The following ZNF211 variants were observed in gnomAD, a reference collection of about 807,000 sequenced individuals.
ZNF211 encodes the protein zinc finger protein 211.
In ZNF211, 18 loss-of-function variants were observed where a neutral mutation model predicts 12.1. That is an observed-to-expected ratio of 1.48 (90% confidence interval 1.03 to 2.20). ZNF211 has a LOEUF of 2.20. Ranked by LOEUF, ZNF211 falls within the 30% of genes most tolerant of loss-of-function variation. The probability of loss-of-function intolerance (pLI) is 0.00; values close to 1 mark genes in which losing one functional copy is unlikely to be tolerated. For missense variants in ZNF211, 677 were observed against 703.1 expected (o/e 0.96, Z 0.42); for synonymous variants, 249 against 246.0 (o/e 1.01, Z -0.11).
At chr19:57,638,720 G>C (rs73064527) in intron 3 of ZNF211, among the ~76,000 whole-genome samples, 8,651 of 152,190 alleles carry the variant, frequency 0.057, 329 homozygotes, top group South Asian at 0.098. Context: ...TTATATATTT[G>C]TTAGAGCTAG....
intron 2 of ZNF211, 82 bp downstream of exon 2, chr19:57,634,143 G>A: frequency 1.4e-6 from 2 of 1,435,648 alleles, no homozygotes; most frequent in Non-Finnish European, 1.9e-6. Context: ...TAGATTTGTG[G>A]TGTCATGGGA....
rs1405457836 is a variant in ZNF211 at position 57,641,831 on chromosome 19, G to T, written c.1384G>T (p.Gly462Trp). Residue 462 changes from glycine to tryptophan, a missense_variant, in exon 4 of 4, where the codon GGG becomes TGG. Gly to Trp is a radical substitution (Grantham distance 184, BLOSUM62 -2). Transcript: ENST00000240731. ...SFSSHRKVHT[G>W]ERPYVCGECG... ...CAGTTCACATCGGAAAGTCCACACA[G>T]GGGAAAGGCCTTATGTGTGTGGGGA... is the stretch of plus-strand genomic sequence containing the variant. 6.2e-7 allele frequency: 1 copy of T among 1,614,092 alleles called. No individual in the cohort carries two copies.
At position 57,641,513 on chromosome 19, in the gene ZNF211, T is replaced by C; in HGVS notation, c.1066T>C (p.Cys356Arg). 6.2e-7 allele frequency: 1 copy of C among 1,614,182 alleles called. No individual in the cohort carries two copies. Among genetic ancestry groups the C allele is most frequent in the Non-Finnish European group, 8.5e-7 (1 of 1,180,048 alleles). ...KVHTGERPYE[C>R]GECGKSFSQR... ...TCACACTGGAGAAAGGCCTTATGAA[T>C]GTGGGGAATGTGGGAAATCTTTTAG... The change falls in exon 4 of 4, where the codon TGT (cysteine) becomes CGT (arginine). Residue 356 changes from cysteine (C) to arginine (R), a missense_variant. By Grantham distance (180) the Cys-to-Arg change is radical (BLOSUM62 -3). Coordinates refer to ENST00000240731, the MANE Select transcript of ZNF211 (RefSeq NM_006385.5).
rs1982805572 is a variant in ZNF211, at chr19:57,640,873, A to G, written c.426A>G (p.Gln142=). 1.9e-6 allele frequency: 3 copies of G among 1,614,138 alleles called. No homozygotes were observed. The highest frequency in any genetic ancestry group is 2.7e-5 in the African/African-American group (2 of 74,944). The change falls in exon 4 of 4, where the codon CAA becomes CAG. Residue 142 remains glutamine (Q), a synonymous_variant. Transcript: ENST00000240731. The part of the protein sequence containing the change: ...LRDILHLAEH[Q]GTNCGQKLHT... ...ATATTTTGCACTTGGCTGAACACCA[A>G]GGAACAAACTGCGGGCAGAAACTAC...
rs535612467 is a variant in ZNF211 at position 57,637,295 on chromosome 19, T to G, written c.256+2540T>G. On this transcript the variant is annotated intron_variant, in intron 3 of 3. Coordinates refer to ENST00000240731, the MANE Select transcript of ZNF211 (RefSeq NM_006385.5). ...TGTTGAGTATAATTTTAGCTGTAGG[T>G]TTTTTTTTTTGCATATGGATTTTAT... 4.6e-3 allele frequency among the ~76,000 whole-genome samples: 460 copies of G among 98,994 alleles called. 6 individuals are homozygous for G. Among genetic ancestry groups the G allele is most frequent in the South Asian group, 0.036 (110 of 3,026 alleles). The allele number at this position is 98,994 out of a possible 152,430, so 64.9% of individuals were successfully genotyped here.
rs374814069 is a variant in ZNF211, at chr19:57,641,280, C to T, written c.833C>T (p.Ala278Val). 28 of 1,614,076 alleles carry T rather than the reference C, an allele frequency of 1.7e-5. No homozygotes were observed. Among genetic ancestry groups the T allele is most frequent in the African/African-American group, 8.0e-5 (6 of 74,924 alleles). Residue 278 changes from alanine to valine, a missense_variant, in exon 4 of 4, where the codon GCA becomes GTA. Physicochemically the swap from Ala to Val is moderately conservative, Grantham distance 64 (BLOSUM62 0). Coordinates refer to ENST00000240731, the MANE Select transcript of ZNF211 (RefSeq NM_006385.5). ...GLFECSKCGK[A>V]CTRRCNLIQH... ...TTTGAGTGCAGTAAATGTGGGAAAG[C>T]ATGTACGCGAAGATGTAACCTCATT...
intron 3 of ZNF211, among the ~76,000 whole-genome samples, chr19:57,636,633 A>G (rs767052898): frequency 3.3e-5 from 5 of 152,184 alleles, no homozygotes; most frequent in Non-Finnish European, 7.4e-5. Flanking sequence ...TAAGTTTTGA[A>G]ATTACGAACT....
At chr19:57,640,463 C>T (rs1306696298) in intron 3 of ZNF211, among the ~76,000 whole-genome samples, 3 of 152,190 alleles carry the variant, frequency 2.0e-5, no homozygotes, top group African/African-American at 7.2e-5. Context: ...GTATAACATG[C>T]CTCTTAGTCC....
At chr19:57,636,420 G>T (rs1254575352) in intron 3 of ZNF211, among the ~76,000 whole-genome samples, 3 of 135,506 alleles carry the variant, frequency 2.2e-5, no homozygotes, top group African/African-American at 8.8e-5. Flanking sequence ...TGTGGTGTCA[G>T]GTAAGGGACC....
chr19:57,642,365 A>C lies in ZNF211; in HGVS notation c.*184A>C. 1.5e-6 allele frequency: 1 copy of C among 661,596 alleles called. No homozygotes were observed. The allele number at this position is 661,596 out of a possible 1,614,324, so 41.0% of individuals were successfully genotyped here. A position where few individuals can be genotyped will look rare whatever the true frequency, so the allele number is the denominator to read the frequency against. On this transcript the variant is annotated 3_prime_UTR_variant, in exon 4 of 4. Coordinates refer to ENST00000240731, the MANE Select transcript of ZNF211 (RefSeq NM_006385.5). ...CATTTAGAAAGTGTTAGACTTTCTC[A>C]CCTGCCATTTATGGCTCTTGCCGTT...
At chr19:57,640,590 C>T (rs1982757393) in intron 3 of ZNF211, 114 bp from the exon 4 acceptor site, 1 of 1,363,188 alleles carries the variant, frequency 7.3e-7, no homozygotes, top group Non-Finnish European at 9.8e-7. Flanking sequence ...ACTCACTTTT[C>T]CTAAAAACAG....
At chr19:57,639,210 A>G (rs4801234) in intron 3 of ZNF211, among the ~76,000 whole-genome samples, 27,404 of 151,718 alleles carry the variant, frequency 0.18, 2,634 homozygotes, top group East Asian at 0.32. Flanking sequence ...AGTTGGGAGC[A>G]TTTAAGGCAT....
At chr19:57,636,440 C>G (rs1189340985) in intron 3 of ZNF211, among the ~76,000 whole-genome samples, 1 of 152,146 alleles carries the variant, frequency 6.6e-6, no homozygotes, top group Non-Finnish European at 1.5e-5. Context: ...CAACTTCATT[C>G]TTTCACATGT....
rs1362869960 is a variant in ZNF211 at position 57,634,767 on chromosome 19, A to G, written c.256+12A>G. The G allele has an allele frequency of 1.9e-6, 3 of 1,574,580 alleles. No homozygotes were observed. The highest frequency in any genetic ancestry group is 2.6e-6 in the Non-Finnish European group (3 of 1,159,598). ...TACGTCCTCCCTGGGTAAGGCCCTC[A>G]TACTCACCCTTGTGCCCTGGACTAG... On this transcript the variant is annotated intron_variant, in intron 3 of 3. Coordinates refer to ENST00000240731, the MANE Select transcript of ZNF211 (RefSeq NM_006385.5).
At chr19:57,634,564 G>A in intron 2 of ZNF211, 65 bp from the exon 3 acceptor site, 3 of 1,465,208 alleles carry the variant, frequency 2.0e-6, no homozygotes, top group East Asian at 5.0e-5. Flanking sequence ...GAATGTATGG[G>A]GACATGGATT....
At chr19:57,637,322 A>T (rs1982268853) in intron 3 of ZNF211, among the ~76,000 whole-genome samples, 2 of 150,440 alleles carry the variant, frequency 1.3e-5, no homozygotes, top group African/African-American at 4.9e-5. Context: ...GGATTTTATT[A>T]TGTTTAGGTA....
chr19:57,640,642 A>G (rs1982764447), intron 3 of ZNF211, 62 bp from the exon 4 acceptor site: 1 of 1,566,342 alleles, frequency 6.4e-7, no homozygotes, highest in Admixed American at 1.8e-5. Context: ...GTGCATTTGC[A>G]ATTGCATTGT....
Position 57,640,888 on chromosome 19 carries a change from G to A in ZNF211, c.441G>A (p.Gly147=). Residue 147 remains glycine, a synonymous_variant, in exon 4 of 4, where the codon GGG becomes GGA. Transcript: ENST00000240731. ...CTGAACACCAAGGAACAAACTGCGGGCAGAAACTACACACATGTGGAAAAC... is the reference window on the plus strand; with the variant it reads ...CTGAACACCAAGGAACAAACTGCGGACAGAAACTACACACATGTGGAAAAC... ...HLAEHQGTNC[G]QKLHTCGKQF... The A allele has an allele frequency of 2.5e-6, 4 of 1,614,226 alleles. No individual in the cohort carries two copies. The highest frequency in any genetic ancestry group is 3.4e-6 in the Non-Finnish European group (4 of 1,180,046).
intron 1 of ZNF211, 153 bp downstream of exon 1, chr19:57,633,589 CAA>C: frequency 6.6e-7 from 1 of 1,517,868 alleles, no homozygotes; most frequent in East Asian, 2.5e-5. Flanking sequence ...GGCAGGGGGA[CAA>C]GGGACAGGAC....
Sources: allele counts gnomAD v4.1 joint callset (sites outside exome capture counted in the v4.1 genomes callset), GRCh38; gene constraint gnomAD v4.1.1; transcripts MANE v1.5; gene names NCBI Gene and HGNC (gene_info 2026-07-23, HGNC 2026-07-21).